NBAS: variants seen among roughly 807,000 people sequenced by gnomAD.
NBAS encodes NAG/BC035112 fusion.
NBAS carries 219 observed loss-of-function variants against 302.5 expected under a neutral mutation model. The ratio of observed to expected loss-of-function variants is 0.72; its 90% CI spans 0.65 to 0.81. NBAS has a LOEUF of 0.81. Ranked by LOEUF, NBAS falls within the 30% of genes least tolerant of loss-of-function variation. The probability of loss-of-function intolerance (pLI) is 0.00; values close to 1 mark genes in which losing one functional copy is unlikely to be tolerated. For missense variants in NBAS, 2,932 were observed against 2,841.6 expected (o/e 1.03, Z -0.72); for synonymous variants, 1,118 against 1,021.6 (o/e 1.09, Z -1.80).
At chr2:15,383,743 T>C (rs1201119345) in intron 28 of NBAS, among the ~76,000 whole-genome samples, 1 of 152,224 alleles carries the variant, frequency 6.6e-6, no homozygotes, top group Non-Finnish European at 1.5e-5. Context: ...AGGAGTCTTC[T>C]TGACTTCAAC....
At chr2:14,958,433 C>T in the NBAS span, among the ~76,000 whole-genome samples, 1 of 152,206 alleles carries the variant, frequency 6.6e-6, no homozygotes, top group African/African-American at 2.4e-5. Flanking sequence ...AGCCAAGCTG[C>T]TCACAGAGGG....
chr2:15,284,205 C>T (rs1669944925), intron 42 of NBAS, among the ~76,000 whole-genome samples: 1 of 150,648 alleles, frequency 6.6e-6, no homozygotes, highest in Admixed American at 6.6e-5. Context: ...CATATGTGTT[C>T]ATGAGAATTA....
intron 25 of NBAS, 144 bp from the exon 26 acceptor site, chr2:15,402,445 T>C: frequency 1.2e-6 from 1 of 806,738 alleles, no homozygotes; most frequent in Non-Finnish European, 2.0e-6. Context: ...TATAGATTTC[T>C]GGGGTCTTTA....
At chr2:14,816,840 G>A in the NBAS span, among the ~76,000 whole-genome samples, 8 of 152,086 alleles carry the variant, frequency 5.3e-5, no homozygotes, top group Non-Finnish European at 8.8e-5. Flanking sequence ...AAACTATATC[G>A]TTGTTATGAC....
chr2:15,283,566 G>A (rs915861324), intron 42 of NBAS, among the ~76,000 whole-genome samples: 1 of 152,144 alleles, frequency 6.6e-6, no homozygotes, highest in Non-Finnish European at 1.5e-5. Flanking sequence ...ATGATTGTAA[G>A]TTTCCTGAGG....
At chr2:15,247,994 A>C (rs146707631) in intron 44 of NBAS, among the ~76,000 whole-genome samples, 14 of 152,282 alleles carry the variant, frequency 9.2e-5, no homozygotes, top group African/African-American at 3.1e-4. Context: ...AATCAACAGA[A>C]TACGCATTCT....
rs1179701877 is a variant in NBAS at position 15,208,641 on chromosome 2, T to A, written c.6432+10132A>T. ...ACATGGATCATTCTCAAGGACAGAC[T>A]ATATTATAGGTCACAAAACAAGTCT... On this transcript the variant is annotated intron_variant, in intron 48 of 51. Coordinates refer to ENST00000281513, the MANE Select transcript of NBAS (RefSeq NM_015909.4). Among the ~76,000 whole-genome samples, 10 of 152,216 alleles carry A rather than the reference T, an allele frequency of 6.6e-5. No homozygotes were observed. The East Asian group carries it at 1.9e-3, about 29-fold the overall frequency.
intron 48 of NBAS, among the ~76,000 whole-genome samples, chr2:15,201,124 T>C (rs1665857485): frequency 6.6e-6 from 1 of 152,242 alleles, no homozygotes; most frequent in Admixed American, 6.5e-5. Context: ...ATCACCATAC[T>C]CTTATCTTCC....
the NBAS span, among the ~76,000 whole-genome samples, chr2:15,037,454 C>T: frequency 4.6e-5 from 7 of 152,352 alleles, no homozygotes; most frequent in African/African-American, 1.7e-4. Flanking sequence ...TGCCGACATG[C>T]TCAGAGCACC....
At chr2:15,551,387 T>A in intron 6 of NBAS, 106 bp downstream of exon 6, 2 of 707,634 alleles carry the variant, frequency 2.8e-6, no homozygotes, top group South Asian at 2.3e-5. Flanking sequence ...ATAGTCATGA[T>A]AATCCTTGTT....
chr2:15,260,039 T>C (rs181206702), intron 44 of NBAS, among the ~76,000 whole-genome samples: 1 of 152,366 alleles, frequency 6.6e-6, no homozygotes, highest in East Asian at 1.9e-4. Flanking sequence ...TGTTCTTGTA[T>C]GTTTTTAAGT....
intron 21 of NBAS, among the ~76,000 whole-genome samples, chr2:15,435,440 G>C (rs1277962317): frequency 2.0e-5 from 3 of 152,126 alleles, no homozygotes; most frequent in Middle Eastern, 3.2e-3. Context: ...CTATCTGCAA[G>C]CACAAATATA....
the NBAS span, among the ~76,000 whole-genome samples, chr2:14,796,249 T>C: frequency 6.6e-6 from 1 of 152,208 alleles, no homozygotes; most frequent in Admixed American, 6.5e-5. Context: ...TGAAGCATTA[T>C]AGTGATTCTT....
the NBAS span, among the ~76,000 whole-genome samples, chr2:14,930,754 G>T: frequency 8.5e-5 from 13 of 152,144 alleles, no homozygotes; most frequent in Non-Finnish European, 1.6e-4. Context: ...AGACTCTAAA[G>T]GACAATGGAT....
intron 1 of NBAS, among the ~76,000 whole-genome samples, chr2:15,559,077 A>AAAAAAAAAAC (rs1664788045): frequency 6.7e-6 from 1 of 150,168 alleles, no homozygotes; most frequent in Non-Finnish European, 1.5e-5. Flanking sequence ...AAAAAAAAAA[A>AAAAAAAAAAC]AAAAAAAAAA....
chr2:15,489,157 T>C (rs2148612667), intron 11 of NBAS, 135 bp from the exon 12 acceptor site: 4 of 995,296 alleles, frequency 4.0e-6, no homozygotes, highest in Non-Finnish European at 4.5e-6. Flanking sequence ...CTTCCTATCA[T>C]TATAAATGTA....
intron 26 of NBAS, among the ~76,000 whole-genome samples, chr2:15,399,956 TA>T (rs1486746350): frequency 6.6e-6 from 1 of 152,120 alleles, no homozygotes; most frequent in Non-Finnish European, 1.5e-5. Flanking sequence ...TTCTACCAAG[TA>T]AAAGTGTGCA....
At chr2:15,026,175 G>GCATCTATTGAGATAATCATGT in the NBAS span, among the ~76,000 whole-genome samples, 35 of 80,396 alleles carry the variant, frequency 4.4e-4, 1 homozygote, top group South Asian at 1.2e-3. Context: ...AGTCTTTTCT[G>GCATCTATTGAGATAATCATGT]GCCGGGCACG....
chr2:15,217,155 C>A (rs1411376809), intron 48 of NBAS, among the ~76,000 whole-genome samples: 1 of 152,330 alleles, frequency 6.6e-6, no homozygotes, highest in South Asian at 2.1e-4. Flanking sequence ...AAAAACACTG[C>A]AAGTGGTTTC....
Sources: allele counts gnomAD v4.1 joint callset (sites outside exome capture counted in the v4.1 genomes callset), GRCh38; gene constraint gnomAD v4.1.1; transcripts MANE v1.5; gene names NCBI Gene and HGNC (gene_info 2026-07-23, HGNC 2026-07-21).